The following DCDC1 variants were observed in gnomAD, a reference collection of about 807,000 sequenced individuals.
The protein encoded by DCDC1 is doublecortin domain containing 1.
In DCDC1, 200 loss-of-function variants were observed where a neutral mutation model predicts 178.3. The ratio of observed to expected loss-of-function variants is 1.12; its 90% confidence interval spans 1.00 to 1.26. The LOEUF (loss-of-function observed/expected upper bound fraction) is 1.26. DCDC1 is among the 50% of genes most tolerant of loss of function. The probability of loss-of-function intolerance (pLI) is 0.00; values close to 1 mark genes in which losing one functional copy is unlikely to be tolerated. For synonymous variants in DCDC1, 690 were observed against 604.8 expected (o/e 1.14, Z -2.07); for missense variants, 1,983 against 1,749.2 (o/e 1.13, Z -2.38).
At chr11:31,042,025 T>C (rs911346924) in intron 20 of DCDC1, among the ~76,000 whole-genome samples, 2 of 152,202 alleles carry the variant, frequency 1.3e-5, no homozygotes, top group Non-Finnish European at 1.5e-5. Context: ...AAATCCAATA[T>C]GAAGCATCAG....
rs139952815 is a variant in DCDC1, at chr11:30,964,827, T to C, written c.2592-12259A>G. ...ATGGAAGAGGGGCCAATAGGCAGAA[T>C]GAAATGATGAGTCTCATTTGCACGA... On this transcript the variant is annotated intron_variant, in intron 20 of 38. Coordinates refer to ENST00000684477, the MANE Select transcript of DCDC1 (RefSeq NM_001387274.1). Among the ~76,000 whole-genome samples, 298 of 152,278 alleles carry C rather than the reference T, an allele frequency of 2.0e-3. 1 individual carries two copies. Among genetic ancestry groups the C allele is most frequent in the African/African-American group, 6.7e-3 (280 of 41,570 alleles).
intron 9 of DCDC1, among the ~76,000 whole-genome samples, chr11:31,185,723 G>A (rs1287002664): frequency 6.6e-6 from 1 of 152,116 alleles, no homozygotes; most frequent in Non-Finnish European, 1.5e-5. Flanking sequence ...TGTTGTCAAA[G>A]GTAAAGGTGC....
intron 20 of DCDC1, among the ~76,000 whole-genome samples, chr11:30,982,139 G>A: frequency 6.6e-6 from 1 of 152,140 alleles, no homozygotes. Flanking sequence ...GAATTTTTAT[G>A]TTTCAGGTCT....
At chr11:31,358,504 T>A (rs1168379466) in intron 1 of DCDC1, among the ~76,000 whole-genome samples, 9 of 151,144 alleles carry the variant, frequency 6.0e-5, no homozygotes, top group African/African-American at 1.7e-4. Flanking sequence ...AACCTAGGCA[T>A]TACCATTCAG....
rs369326298 is a variant in DCDC1 at position 31,361,553 on chromosome 11, C to T, written c.-125+8144G>A. 2.0e-5 allele frequency among the ~76,000 whole-genome samples: 3 copies of T among 152,112 alleles called. No individual in the cohort carries two copies. The East Asian group carries it at 5.8e-4, about 29-fold the overall frequency. Reference sequence around the variant, plus strand: ...CTGGAGTGCAGTGGTGTGATCTCAACTCACTGCAACCTCTGCCTCCCAGGT... The same window carrying T: ...CTGGAGTGCAGTGGTGTGATCTCAATTCACTGCAACCTCTGCCTCCCAGGT... On this transcript the variant is annotated intron_variant, in intron 1 of 38. Transcript: ENST00000684477.
At chr11:31,327,902 G>C (rs568436201) in intron 3 of DCDC1, among the ~76,000 whole-genome samples, 16 of 151,586 alleles carry the variant, frequency 1.1e-4, no homozygotes, top group South Asian at 4.2e-4. Flanking sequence ...TAATTTTTTC[G>C]TATTTTTAGT....
chr11:31,267,192 A>AG (rs1945218966), intron 7 of DCDC1, among the ~76,000 whole-genome samples: 1 of 136,260 alleles, frequency 7.3e-6, no homozygotes, highest in Non-Finnish European at 1.7e-5. Flanking sequence ...ATGTTATAGG[A>AG]ATTTTTTTTT....
intron 17 of DCDC1, among the ~76,000 whole-genome samples, chr11:31,080,056 C>A (rs1957082546): frequency 1.3e-5 from 2 of 152,114 alleles, no homozygotes; most frequent in African/African-American, 4.8e-5. Flanking sequence ...AAAACAACTT[C>A]AGCATTAGGT....
At chr11:31,208,938 ATC>A (rs1306650476) in intron 9 of DCDC1, among the ~76,000 whole-genome samples, 1 of 151,996 alleles carries the variant, frequency 6.6e-6, no homozygotes, top group Non-Finnish European at 1.5e-5. Flanking sequence ...ACCTGAAATT[ATC>A]TTTTTTTTAT....
At chr11:31,253,007 GTCATTA>G (rs951597417) in intron 8 of DCDC1, among the ~76,000 whole-genome samples, 4 of 152,128 alleles carry the variant, frequency 2.6e-5, no homozygotes, top group Non-Finnish European at 5.9e-5. Flanking sequence ...AAAAAAAATA[GTCATTA>G]TCATTTGTCT....
Position 31,223,687 on chromosome 11 carries a change from A to G in DCDC1, c.1221+17763T>C, listed in dbSNP as rs115296389. Among the ~76,000 whole-genome samples the G allele has an allele frequency of 4.1e-3, 623 of 152,340 alleles. 2 individuals are homozygous for G. Among genetic ancestry groups the G allele is most frequent in the African/African-American group, 0.015 (605 of 41,594 alleles). On this transcript the variant is annotated intron_variant, in intron 9 of 38. Coordinates refer to ENST00000684477, the MANE Select transcript of DCDC1 (RefSeq NM_001387274.1). ...CTGTGTGGAAGTTAAAAGTCAATGC[A>G]TAACATCTTTATATTTCAGCATAAA... is the stretch of plus-strand genomic sequence containing the variant.
Position 31,014,297 on chromosome 11 carries a change from C to G in DCDC1, c.2591+50172G>C, listed in dbSNP as rs1952352311. Among the ~76,000 whole-genome samples the G allele has an allele frequency of 2.0e-5, 3 of 151,660 alleles. 1 individual carries two copies. The highest frequency in any genetic ancestry group is 2.0e-4 in the Admixed American group (3 of 15,208). On this transcript the variant is annotated intron_variant, in intron 20 of 38. Transcript: ENST00000684477. ...TTTCATCACTCACCCTAGGGGAAGT[C>G]AGCTGAAATACCATTACAAGCCCTG...
chr11:31,078,310 T>C (rs777798093), intron 17 of DCDC1, among the ~76,000 whole-genome samples: 3 of 152,136 alleles, frequency 2.0e-5, no homozygotes, highest in Non-Finnish European at 4.4e-5. Context: ...TGAAAAAAGA[T>C]ACCATGGAAA....
At chr11:31,297,471 G>A (rs1054151281) in intron 6 of DCDC1, among the ~76,000 whole-genome samples, 1 of 151,840 alleles carries the variant, frequency 6.6e-6, no homozygotes, top group South Asian at 2.1e-4. Context: ...TCAGCCTCCC[G>A]AGTAACTGGG....
At chr11:31,006,683 C>G (rs1453797356) in intron 20 of DCDC1, among the ~76,000 whole-genome samples, 1 of 152,128 alleles carries the variant, frequency 6.6e-6, no homozygotes, top group South Asian at 2.1e-4. Flanking sequence ...AATACTTTGT[C>G]TGGAGCGTAG....
At chr11:31,269,360 T>C (rs186058793) in intron 7 of DCDC1, among the ~76,000 whole-genome samples, 4 of 151,886 alleles carry the variant, frequency 2.6e-5, no homozygotes, top group African/African-American at 7.2e-5. Flanking sequence ...ATATTACTTT[T>C]ACACATTCAC....
chr11:31,096,304 T>C (rs1039762910), intron 15 of DCDC1, among the ~76,000 whole-genome samples: 2 of 152,226 alleles, frequency 1.3e-5, no homozygotes, highest in Admixed American at 1.3e-4. Flanking sequence ...TACATTGTAC[T>C]AATCCATTTG....
chr11:31,019,882 C>T (rs1565189947), intron 20 of DCDC1, among the ~76,000 whole-genome samples: 1 of 152,008 alleles, frequency 6.6e-6, no homozygotes. Flanking sequence ...CGGACCCCCA[C>T]CCCCCAGTCT....
chr11:31,172,855 C>T (rs533280076), intron 9 of DCDC1, among the ~76,000 whole-genome samples: 1 of 152,226 alleles, frequency 6.6e-6, no homozygotes, highest in South Asian at 2.1e-4. Context: ...AGAAAATCTG[C>T]ACATAAGTGA....
Sources: allele counts gnomAD v4.1 joint callset (sites outside exome capture counted in the v4.1 genomes callset), GRCh38; gene constraint gnomAD v4.1.1; transcripts MANE v1.5; gene names NCBI Gene and HGNC (gene_info 2026-07-23, HGNC 2026-07-21).